The following MAF variants were observed in gnomAD, a reference collection of about 807,000 sequenced individuals.
The protein encoded by MAF is MAF bZIP transcription factor.
Under a neutral mutation model 22.0 loss-of-function variants are expected in MAF, and 10 were observed. The observed-to-expected ratio is 0.45, with a 90% CI of 0.28 to 0.77. The LOEUF (loss-of-function observed/expected upper bound fraction) is 0.77. MAF is among the 30% of genes least tolerant of loss of function. The pLI is 0.12. For synonymous variants in MAF, 337 were observed against 255.8 expected (o/e 1.32, Z -3.03); for missense variants, 544 against 548.4 (o/e 0.99, Z 0.08).
chr16:79,236,954 A>AC, the MAF span, among the ~76,000 whole-genome samples: 3 of 150,684 alleles, frequency 2.0e-5, no homozygotes, highest in African/African-American at 7.3e-5. Flanking sequence ...GAAAAAAAAA[A>AC]AAAAACTCAA....
the MAF span, among the ~76,000 whole-genome samples, chr16:79,409,225 T>C: frequency 6.6e-6 from 1 of 152,176 alleles, no homozygotes; most frequent in Non-Finnish European, 1.5e-5. Flanking sequence ...AAAAAAACAA[T>C]AATATTTGAA....
At chr16:79,292,757 A>G in the MAF span, among the ~76,000 whole-genome samples, 30,685 of 152,066 alleles carry the variant, frequency 0.2, 4,132 homozygotes, top group African/African-American at 0.39. Context: ...TGCAGTAAAG[A>G]AGCCATCCAA....
the MAF span, among the ~76,000 whole-genome samples, chr16:79,545,262 G>T: frequency 6.6e-6 from 1 of 152,108 alleles, no homozygotes; most frequent in African/African-American, 2.4e-5. Flanking sequence ...TCAACTTCCC[G>T]CAAATCAAGC....
At chr16:79,315,107 T>G in the MAF span, among the ~76,000 whole-genome samples, 1 of 152,226 alleles carries the variant, frequency 6.6e-6, no homozygotes, top group African/African-American at 2.4e-5. Context: ...TTTCATTTAT[T>G]CATTCATTCA....
chr16:79,334,335 C>T, the MAF span, among the ~76,000 whole-genome samples: 46 of 152,146 alleles, frequency 3.0e-4, no homozygotes, highest in Non-Finnish European at 5.4e-4. Flanking sequence ...GCACCAGGAG[C>T]TAGAAGCAAA....
chr16:79,238,073 C>CT, the MAF span, among the ~76,000 whole-genome samples: 1 of 152,088 alleles, frequency 6.6e-6, no homozygotes, highest in Non-Finnish European at 1.5e-5. Flanking sequence ...GCATGCGGTT[C>CT]TTTTTTTGTC....
chr16:79,544,077 T>G, the MAF span, among the ~76,000 whole-genome samples: 3 of 152,148 alleles, frequency 2.0e-5, no homozygotes, highest in Admixed American at 6.5e-5. Context: ...AAAATGTTTG[T>G]AAAATTAAGT....
the MAF span, among the ~76,000 whole-genome samples, chr16:79,265,552 C>T: frequency 6.6e-6 from 1 of 152,304 alleles, no homozygotes; most frequent in East Asian, 1.9e-4. Context: ...GTATATTTTT[C>T]CCTTGACATA....
At chr16:79,498,463 G>T in the MAF span, among the ~76,000 whole-genome samples, 1 of 152,212 alleles carries the variant, frequency 6.6e-6, no homozygotes, top group African/African-American at 2.4e-5. Flanking sequence ...TTCTTAGCTT[G>T]TCAGCAATGG....
the MAF span, among the ~76,000 whole-genome samples, chr16:79,541,588 G>A: frequency 6.6e-6 from 1 of 151,748 alleles, no homozygotes; most frequent in African/African-American, 2.4e-5. Flanking sequence ...TACAGCTGGT[G>A]AAAGACGAGA....
chr16:79,415,121 C>T, the MAF span, among the ~76,000 whole-genome samples: 2 of 152,242 alleles, frequency 1.3e-5, no homozygotes, highest in Non-Finnish European at 2.9e-5. Context: ...TCTTTGAGAG[C>T]AGCTCTAACA....
chr16:79,596,889 T>C (rs1480213557), intron 1 of MAF: 1 of 1,049,590 alleles, frequency 9.5e-7, no homozygotes, highest in African/African-American at 1.7e-5. Context: ...TTTTGCAATT[T>C]TTTTTTGTAT....
the MAF span, among the ~76,000 whole-genome samples, chr16:79,305,029 T>G: frequency 6.6e-6 from 1 of 152,202 alleles, no homozygotes; most frequent in Non-Finnish European, 1.5e-5. Context: ...CAATGAAGGT[T>G]CTCAACTCTG....
chr16:79,245,753 C>T, the MAF span, among the ~76,000 whole-genome samples: 3 of 152,152 alleles, frequency 2.0e-5, no homozygotes, highest in African/African-American at 4.8e-5. Context: ...AAGACACATG[C>T]ACACATATGT....
the MAF span, among the ~76,000 whole-genome samples, chr16:79,342,982 C>T: frequency 1.3e-5 from 2 of 151,890 alleles, no homozygotes; most frequent in African/African-American, 2.4e-5. Context: ...TAGTTTTTTT[C>T]ATCAACGTTA....
At chr16:79,332,911 T>C in the MAF span, among the ~76,000 whole-genome samples, 1 of 152,232 alleles carries the variant, frequency 6.6e-6, no homozygotes, top group Non-Finnish European at 1.5e-5. Context: ...CAAGCTGGGA[T>C]TCACAGCCAG....
chr16:79,579,747 G>A, the MAF span, among the ~76,000 whole-genome samples: 1 of 152,116 alleles, frequency 6.6e-6, no homozygotes. Context: ...CACACACTAG[G>A]ATCTCATCTT....
At chr16:79,390,478 C>T in the MAF span, among the ~76,000 whole-genome samples, 1 of 152,186 alleles carries the variant, frequency 6.6e-6, no homozygotes, top group African/African-American at 2.4e-5. Flanking sequence ...CATAATTTGT[C>T]ACAGTTTTTA....
chr16:79,433,906 A>G, the MAF span, among the ~76,000 whole-genome samples: 4 of 152,182 alleles, frequency 2.6e-5, no homozygotes, highest in African/African-American at 9.7e-5. Context: ...ATGATGGCCT[A>G]GAGTTTGTTC....
Sources: gnomAD v4.1 joint callset for allele counts (sites outside exome capture counted in the v4.1 genomes callset) on GRCh38, gnomAD v4.1.1 for gene constraint, MANE v1.5 for transcripts, NCBI Gene and HGNC (gene_info 2026-07-23, HGNC 2026-07-21) for gene names.